Variants in AAMDC observed in about 807,000 individuals in gnomAD.
The protein encoded by AAMDC is mth938 domain-containing protein.
AAMDC carries 16 observed loss-of-function variants against 15.5 expected under a neutral mutation model. The observed-to-expected ratio is 1.03, with a 90% CI of 0.70 to 1.57. The LOEUF is 1.57. AAMDC is among the 40% of genes most tolerant of loss of function. AAMDC has a pLI of 0.00. For synonymous variants in AAMDC, 51 were observed against 51.6 expected (o/e 0.99, Z 0.05); for missense variants, 141 against 144.9 (o/e 0.97, Z 0.14).
Position 77,872,345 on chromosome 11 carries a change from A to C in AAMDC, c.*30A>C. Reference sequence around the variant, plus strand: ...GCCTTAAGAGGAGAATAAATCACTAAGTGCCTATGCCTGTGACTGTCACTC... The same window carrying C: ...GCCTTAAGAGGAGAATAAATCACTACGTGCCTATGCCTGTGACTGTCACTC... On this transcript the variant is annotated 3_prime_UTR_variant, in exon 4 of 4. Coordinates refer to ENST00000393427, the MANE Select transcript of AAMDC (RefSeq NM_024684.4). 6.3e-7 allele frequency: 1 copy of C among 1,595,028 alleles called. No individual in the cohort carries two copies. The highest frequency in any genetic ancestry group is 8.5e-7 in the Non-Finnish European group (1 of 1,171,472).
rs7112260 is a variant in AAMDC at position 77,861,575 on chromosome 11, C to T, written c.133-8147C>T. Among the ~76,000 whole-genome samples, 501 of 152,300 alleles carry T rather than the reference C, an allele frequency of 3.3e-3. 3 individuals are homozygous for T. Among genetic ancestry groups the T allele is most frequent in the African/African-American group, 0.011 (468 of 41,566 alleles). On this transcript the variant is annotated intron_variant, in intron 2 of 3. Coordinates refer to ENST00000393427, the MANE Select transcript of AAMDC (RefSeq NM_024684.4). ...GGTTAATGGCTTCTGACTCAGAGGA[C>T]CTTCGTCCCCTGGGGCAGTGGGCCT...
chr11:77,825,644 A>C (rs1949134256), intron 1 of AAMDC, among the ~76,000 whole-genome samples: 1 of 151,916 alleles, frequency 6.6e-6, no homozygotes, highest in Non-Finnish European at 1.5e-5. Context: ...TTACAACAGA[A>C]TTCTATTCAT....
chr11:77,875,841 T>C (rs1951579518), downstream of AAMDC, among the ~76,000 whole-genome samples: 1 of 151,994 alleles, frequency 6.6e-6, no homozygotes, highest in South Asian at 2.1e-4. Context: ...GCTCAGCAGG[T>C]CCAAAGGCCT....
intron 2 of AAMDC, among the ~76,000 whole-genome samples, chr11:77,844,822 G>A (rs1456656638): frequency 2.6e-5 from 4 of 152,126 alleles, no homozygotes; most frequent in Admixed American, 6.5e-5. Flanking sequence ...TCAGTGGAGC[G>A]CCTCATGATG....
intron 1 of AAMDC, among the ~76,000 whole-genome samples, chr11:77,827,854 T>C (rs1265826097): frequency 6.6e-6 from 1 of 152,200 alleles, no homozygotes; most frequent in African/African-American, 2.4e-5. Flanking sequence ...ACTGATCTTG[T>C]ATGTAGGAAA....
chr11:77,846,993 C>T (rs1281882225), intron 2 of AAMDC, among the ~76,000 whole-genome samples: 2 of 152,146 alleles, frequency 1.3e-5, no homozygotes, highest in Admixed American at 1.3e-4. Flanking sequence ...GCTTCCAAAA[C>T]TGGGCTGATA....
chr11:77,876,128 T>C (rs1404881212), downstream of AAMDC, among the ~76,000 whole-genome samples: 1 of 151,738 alleles, frequency 6.6e-6, no homozygotes, highest in Non-Finnish European at 1.5e-5. Context: ...GGAAGAGGAA[T>C]CTAAAGGACT....
At position 77,821,153 on chromosome 11, in the gene AAMDC, G is replaced by T. The variant is rs886345997; in HGVS notation, c.-107G>T. On this transcript the variant is annotated 5_prime_UTR_variant, in exon 1 of 4. Coordinates refer to ENST00000393427, the MANE Select transcript of AAMDC (RefSeq NM_024684.4). ...CGTATTCCCGGAGGGCAGTTGGGGA[G>T]CGCAGATCCCGAAGCAGCGCTGGGA... 9 of 394,256 alleles carry T rather than the reference G, an allele frequency of 2.3e-5. No individual in the cohort carries two copies. The highest frequency in any genetic ancestry group is 3.6e-5 in the Non-Finnish European group (8 of 221,468). 24.4% of individuals were successfully genotyped at this position (394,256 alleles called of 1,614,324 possible).
At chr11:77,832,421 G>T (rs1949475559) in intron 1 of AAMDC, among the ~76,000 whole-genome samples, 1 of 151,696 alleles carries the variant, frequency 6.6e-6, no homozygotes, top group Non-Finnish European at 1.5e-5. Context: ...CCGCCTCCCG[G>T]GTTCAAGCGA....
At chr11:77,825,634 T>C (rs1413998725) in intron 1 of AAMDC, among the ~76,000 whole-genome samples, 1 of 152,036 alleles carries the variant, frequency 6.6e-6, no homozygotes, top group Non-Finnish European at 1.5e-5. Flanking sequence ...GAATTCTGTG[T>C]TACAACAGAA....
intron 2 of AAMDC, among the ~76,000 whole-genome samples, chr11:77,865,429 T>G (rs1378259175): frequency 6.6e-6 from 1 of 152,182 alleles, no homozygotes; most frequent in East Asian, 1.9e-4. Context: ...GAACCGGTTG[T>G]AGGCATGGCA....
At chr11:77,861,039 C>T (rs773693392) in intron 2 of AAMDC, among the ~76,000 whole-genome samples, 5 of 152,046 alleles carry the variant, frequency 3.3e-5, no homozygotes, top group Admixed American at 6.6e-5. Context: ...TGGGTCTAAG[C>T]GGGTATTGCC....
At chr11:77,876,189 A>G (rs1156624760), downstream of AAMDC, among the ~76,000 whole-genome samples, 1 of 152,184 alleles carries the variant, frequency 6.6e-6, no homozygotes, top group African/African-American at 2.4e-5. Context: ...CGTGCCAAAC[A>G]GGTTTCTGGC....
rs1463372765 is a variant in AAMDC at position 77,882,842 on chromosome 11, G to A, written c.328+5793G>A. Among the ~76,000 whole-genome samples, 6 of 152,160 alleles carry A rather than the reference G, an allele frequency of 3.9e-5. No homozygotes were observed. In the East Asian group the frequency reaches 1.2e-3, roughly 29 times the overall value. ...TCCCACTACTTTGGGAGGCCAAGGC[G>A]GGTGGATCACCTGAGGTCAGGAGTT... On this transcript the variant is annotated intron_variant, in intron 5 of 5. Transcript: ENST00000304716.
At chr11:77,880,179 C>T (rs2136347969) in intron 5 of AAMDC, among the ~76,000 whole-genome samples, 1 of 152,242 alleles carries the variant, frequency 6.6e-6, no homozygotes, top group Admixed American at 6.5e-5. Flanking sequence ...AAGATGATCC[C>T]AAGGCTAAGA....
chr11:77,837,443 TTTTGTTTGTTTG>T (rs370882837), intron 1 of AAMDC, among the ~76,000 whole-genome samples: 1 of 150,234 alleles, frequency 6.7e-6, no homozygotes, highest in Admixed American at 6.7e-5. Flanking sequence ...TCCCTTTGGT[TTTTGTTTGTTTG>T]TTTGTTTGTT....
intron 5 of AAMDC, among the ~76,000 whole-genome samples, chr11:77,889,712 A>AT (rs1952180243): frequency 6.6e-6 from 1 of 152,150 alleles, no homozygotes; most frequent in Non-Finnish European, 1.5e-5. Context: ...GAACAGAGGA[A>AT]TGACTCCGGG....
At chr11:77,848,307 G>A (rs1404910190) in intron 2 of AAMDC, among the ~76,000 whole-genome samples, 1 of 152,040 alleles carries the variant, frequency 6.6e-6, no homozygotes, top group Admixed American at 6.6e-5. Context: ...CTTTAGTGCT[G>A]TATATTTCTA....
intron 2 of AAMDC, among the ~76,000 whole-genome samples, chr11:77,853,464 G>C (rs1950483372): frequency 6.6e-6 from 1 of 152,028 alleles, no homozygotes; most frequent in African/African-American, 2.4e-5. Context: ...GAACTCATGA[G>C]AATTCACTCA....
Sources: allele counts gnomAD v4.1 joint callset (sites outside exome capture counted in the v4.1 genomes callset), GRCh38; gene constraint gnomAD v4.1.1; transcripts MANE v1.5; gene names NCBI Gene and HGNC (gene_info 2026-07-23, HGNC 2026-07-21).